Variants in ADGRL2 observed in about 807,000 individuals in gnomAD.
ADGRL2 encodes the protein calcium-independent alpha-latrotoxin receptor 2.
A neutral mutation model predicts 157.4 loss-of-function variants in ADGRL2; 44 were observed. The ratio of observed to expected loss-of-function variants is 0.28; its 90% confidence interval spans 0.22 to 0.36. The LOEUF (loss-of-function observed/expected upper bound fraction) is 0.36, where lower values mean the gene tolerates loss of function less well. ADGRL2 is among the 10% of genes least tolerant of loss of function. The probability of loss-of-function intolerance (pLI) is 1.00; values close to 1 mark genes in which losing one functional copy is unlikely to be tolerated. For missense variants in ADGRL2, 1,510 were observed against 1,768.9 expected (o/e 0.85, Z 2.63); for synonymous variants, 585 against 624.7 (o/e 0.94, Z 0.95).
chr1:81,354,253 A>C (rs1235332933), intron 1 of ADGRL2, among the ~76,000 whole-genome samples: 1 of 152,208 alleles, frequency 6.6e-6, no homozygotes, highest in Non-Finnish European at 1.5e-5. Context: ...AGGGCAAATA[A>C]ATCTTAGAGA....
chr1:81,665,233 T>A (rs1432318669), intron 3 of ADGRL2, among the ~76,000 whole-genome samples: 2 of 152,116 alleles, frequency 1.3e-5, no homozygotes, highest in Admixed American at 6.6e-5. Flanking sequence ...CCATTTGAGG[T>A]AGAGAACATG....
chr1:81,328,323 T>C (rs1300777646), intron 1 of ADGRL2, among the ~76,000 whole-genome samples: 1 of 152,154 alleles, frequency 6.6e-6, no homozygotes, highest in African/African-American at 2.4e-5. Flanking sequence ...AACCATAGTT[T>C]AAGATCTTCC....
At chr1:81,888,751 C>T (rs1439405308) in intron 2 of ADGRL2, among the ~76,000 whole-genome samples, 1 of 152,158 alleles carries the variant, frequency 6.6e-6, no homozygotes, top group African/African-American at 2.4e-5. Context: ...TGCGCCCGGC[C>T]TGCTTTTTTT....
chr1:81,886,769 A>G (rs2094137640), intron 2 of ADGRL2, among the ~76,000 whole-genome samples: 1 of 152,206 alleles, frequency 6.6e-6, no homozygotes, highest in Non-Finnish European at 1.5e-5. Flanking sequence ...TTTGATTTCT[A>G]TTTAAAATGG....
chr1:81,582,177 G>A (rs185579234), intron 3 of ADGRL2, among the ~76,000 whole-genome samples: 17 of 152,052 alleles, frequency 1.1e-4, no homozygotes, highest in African/African-American at 2.9e-4. Context: ...CCAAGATCAC[G>A]CCACTACACT....
chr1:81,762,592 T>C (rs2085921412), intron 2 of ADGRL2, among the ~76,000 whole-genome samples: 1 of 152,104 alleles, frequency 6.6e-6, no homozygotes, highest in Non-Finnish European at 1.5e-5. Flanking sequence ...GAGTATTCCC[T>C]ATAAAAAGAA....
intron 2 of ADGRL2, chr1:81,502,201 A>G (rs577018574): frequency 3.1e-4 from 494 of 1,597,934 alleles, no homozygotes; most frequent in Non-Finnish European, 3.8e-4. Flanking sequence ...TGTCCAATCT[A>G]CTTCCAGCAC....
At chr1:81,369,525 T>C (rs1394833292) in intron 1 of ADGRL2, among the ~76,000 whole-genome samples, 2 of 152,146 alleles carry the variant, frequency 1.3e-5, no homozygotes, top group Non-Finnish European at 2.9e-5. Context: ...GTAGTCTACT[T>C]CTGGCAAAAT....
intron 1 of ADGRL2, among the ~76,000 whole-genome samples, chr1:81,423,456 C>T (rs2077160854): frequency 6.6e-6 from 1 of 152,046 alleles, no homozygotes; most frequent in African/African-American, 2.4e-5. Flanking sequence ...CGCGACGGCC[C>T]AGAATGTTCA....
chr1:81,314,533 G>C (rs1289925843), intron 1 of ADGRL2, among the ~76,000 whole-genome samples: 2 of 152,124 alleles, frequency 1.3e-5, no homozygotes, highest in East Asian at 3.9e-4. Context: ...GTAGAAAAAA[G>C]GAGAATCAGG....
intron 2 of ADGRL2, among the ~76,000 whole-genome samples, chr1:81,448,278 TG>T (rs2077639015): frequency 6.6e-6 from 1 of 150,722 alleles, no homozygotes; most frequent in Non-Finnish European, 1.5e-5. Context: ...CCAGAGTAAC[TG>T]GGATTACAGG....
intron 2 of ADGRL2, chr1:81,515,102 T>C (rs961115968): frequency 6.6e-6 from 1 of 152,198 alleles, no homozygotes; most frequent in African/African-American, 2.4e-5. Flanking sequence ...TTCTGGTTGG[T>C]ACTTGGCAGC....
intron 1 of ADGRL2, among the ~76,000 whole-genome samples, chr1:81,810,290 T>C (rs992003801): frequency 1.3e-5 from 2 of 150,378 alleles, no homozygotes; most frequent in African/African-American, 4.9e-5. Context: ...TTATGCAGAC[T>C]ACGTTTACTT....
intron 2 of ADGRL2, among the ~76,000 whole-genome samples, chr1:81,497,268 G>A (rs1474934089): frequency 3.3e-5 from 5 of 152,132 alleles, no homozygotes; most frequent in Non-Finnish European, 7.4e-5. Context: ...TTTAATAAAT[G>A]CATTTGCTCC....
intron 3 of ADGRL2, among the ~76,000 whole-genome samples, chr1:81,618,443 G>C (rs949164491): frequency 2.0e-5 from 3 of 152,154 alleles, no homozygotes; most frequent in African/African-American, 7.2e-5. Context: ...TTTACATTCT[G>C]AGAATCCTTC....
At chr1:81,363,867 C>T (rs947965617) in intron 1 of ADGRL2, among the ~76,000 whole-genome samples, 4 of 152,152 alleles carry the variant, frequency 2.6e-5, no homozygotes, top group Non-Finnish European at 4.4e-5. Context: ...GAAGCCTGTA[C>T]ATACTTATAC....
At chr1:81,533,148 G>A (rs984811309) in intron 2 of ADGRL2, among the ~76,000 whole-genome samples, 2 of 152,150 alleles carry the variant, frequency 1.3e-5, no homozygotes, top group African/African-American at 2.4e-5. Context: ...GGAGGCCGAG[G>A]GGGGTGGATC....
Position 81,375,586 on chromosome 1 carries a change from A to G in ADGRL2, c.-302+69077A>G, listed in dbSNP as rs541181804. Among the ~76,000 whole-genome samples the G allele has an allele frequency of 7.9e-5, 12 of 152,344 alleles. No individual in the cohort carries two copies. In the South Asian group the frequency reaches 2.5e-3, roughly 32 times the overall value. On this transcript the variant is annotated intron_variant, in intron 1 of 24. Transcript: ENST00000370721. ...GCTTACAAACATTGGAAATATTACCATCTTTAGATGCTTCTAGCATTCTAC... is the reference window on the plus strand; with the variant it reads ...GCTTACAAACATTGGAAATATTACCGTCTTTAGATGCTTCTAGCATTCTAC...
At chr1:81,605,113 G>C (rs1265454230) in intron 3 of ADGRL2, among the ~76,000 whole-genome samples, 2 of 152,050 alleles carry the variant, frequency 1.3e-5, no homozygotes, top group East Asian at 3.9e-4. Context: ...CACAGATGAG[G>C]GCAGCATAGG....
Sources: allele counts gnomAD v4.1 joint callset (sites outside exome capture counted in the v4.1 genomes callset), GRCh38; gene constraint gnomAD v4.1.1; transcripts MANE v1.5; gene names NCBI Gene and HGNC (gene_info 2026-07-23, HGNC 2026-07-21).